The following MXI1 variants were observed in gnomAD, a reference collection of about 807,000 sequenced individuals.
MXI1 encodes MAX interactor 1, dimerization protein.
Under a neutral mutation model 36.9 loss-of-function variants are expected in MXI1, and 18 were observed. The observed-to-expected ratio is 0.49, with a 90% CI of 0.34 to 0.72. The LOEUF is 0.72. Ranked by LOEUF, MXI1 falls within the 30% of genes least tolerant of loss-of-function variation. MXI1 has a pLI of 0.01. For missense variants in MXI1, 304 were observed against 379.1 expected, an observed-to-expected ratio of 0.80 and a Z score of 1.64; for synonymous variants, 160 against 146.7, an observed-to-expected ratio of 1.09 and a Z score of -0.65.
At chr10:110,274,386 T>G (rs1479958693) in intron 3 of MXI1, among the ~76,000 whole-genome samples, 1 of 152,186 alleles carries the variant, frequency 6.6e-6, no homozygotes, top group African/African-American at 2.4e-5. Context: ...AAAATAAAAG[T>G]ACTTTGGGAA....
At chr10:110,262,644 T>A (rs765469654) in intron 3 of MXI1, among the ~76,000 whole-genome samples, 17 of 152,200 alleles carry the variant, frequency 1.1e-4, no homozygotes, top group Non-Finnish European at 2.4e-4. Flanking sequence ...GTAAGATTTT[T>A]AAAAAGGCAA....
chr10:110,236,038 C>G (rs138102142), intron 2 of MXI1, among the ~76,000 whole-genome samples: 1 of 146,744 alleles, frequency 6.8e-6, no homozygotes, highest in East Asian at 2.0e-4. Flanking sequence ...TTTCTTCTAG[C>G]AGTTTATAAT....
At chr10:110,263,709 T>A (rs1034802307) in intron 3 of MXI1, among the ~76,000 whole-genome samples, 1 of 152,234 alleles carries the variant, frequency 6.6e-6, no homozygotes, top group Non-Finnish European at 1.5e-5. Context: ...TTCAGCTTGC[T>A]TTTCGAGATA....
In MXI1 at chr10:110,284,687, C is replaced by T. The variant is rs143661993; in HGVS notation, c.725-137C>T. 1,277 of 817,458 alleles carry T rather than the reference C, an allele frequency of 1.6e-3. 15 individuals carry two copies. The African/African-American group carries it at 0.02, about 13-fold the overall frequency. The allele number at this position is 817,458 out of a possible 1,614,324, so 50.6% of individuals were successfully genotyped here. ...AATATTCCTGTCTCTTCACCTTGTT[C>T]CTCTGTTCTCCAGACATCACTGATA... On this transcript the variant is annotated intron_variant, in intron 5 of 5. Coordinates refer to ENST00000332674, the MANE Select transcript of MXI1 (RefSeq NM_130439.3).
chr10:110,267,324 G>A (rs1022987233), intron 3 of MXI1, among the ~76,000 whole-genome samples: 9 of 152,200 alleles, frequency 5.9e-5, no homozygotes, highest in African/African-American at 1.9e-4. Context: ...GTAAGGAGAT[G>A]TTAGGGGTAT....
At chr10:110,223,011 A>G (rs372501027) in intron 1 of MXI1, among the ~76,000 whole-genome samples, 219 of 152,262 alleles carry the variant, frequency 1.4e-3, no homozygotes, top group African/African-American at 5.1e-3. Flanking sequence ...CACCATGATC[A>G]TCATCTCTCC....
At chr10:110,255,736 C>T (rs989531487) in intron 3 of MXI1, among the ~76,000 whole-genome samples, 2 of 151,984 alleles carry the variant, frequency 1.3e-5, no homozygotes, top group East Asian at 1.9e-4. Flanking sequence ...TTAAGATGGC[C>T]GTACTTTCCA....
intron 5 of MXI1, among the ~76,000 whole-genome samples, chr10:110,283,585 A>C (rs1236956125): frequency 6.6e-6 from 1 of 150,796 alleles, no homozygotes; most frequent in South Asian, 2.1e-4. Context: ...AGTTGTGATT[A>C]GTGTGAACCC....
intron 4 of MXI1, among the ~76,000 whole-genome samples, chr10:110,279,536 C>G (rs1857158425): frequency 6.6e-6 from 1 of 151,524 alleles, no homozygotes; most frequent in Non-Finnish European, 1.5e-5. Flanking sequence ...AACAATTACC[C>G]TCTTCATACT....
At chr10:110,211,604 T>G (rs1854518116) in intron 1 of MXI1, among the ~76,000 whole-genome samples, 1 of 152,248 alleles carries the variant, frequency 6.6e-6, no homozygotes, top group South Asian at 2.1e-4. Flanking sequence ...TAGCCAGAAC[T>G]GCTTTTCGTT....
At chr10:110,264,451 C>T (rs1381440608) in intron 3 of MXI1, among the ~76,000 whole-genome samples, 9 of 151,238 alleles carry the variant, frequency 6.0e-5, no homozygotes, top group African/African-American at 1.5e-4. Context: ...CTGCAACTTC[C>T]GCCTCCCGGG....
intron 3 of MXI1, among the ~76,000 whole-genome samples, chr10:110,256,845 T>TGTC (rs1249720855): frequency 6.6e-6 from 1 of 152,144 alleles, no homozygotes; most frequent in African/African-American, 2.4e-5. Context: ...AAACTGATAA[T>TGTC]GTCATCATCA....
chr10:110,212,877 C>A (rs1156269358), intron 1 of MXI1, among the ~76,000 whole-genome samples: 1 of 152,164 alleles, frequency 6.6e-6, no homozygotes, highest in Non-Finnish European at 1.5e-5. Flanking sequence ...GTTAGCTTTA[C>A]CTTTACAAGG....
At position 110,236,124 on chromosome 10, in the gene MXI1, CTTTTTTTTTTTTTTTTTTTT is replaced by C. The variant is rs60576710; in HGVS notation, c.407+7823_407+7842del. On this transcript the variant is annotated intron_variant, in intron 2 of 5. Transcript: ENST00000332674. ...AGGGTGTGAAGTAAAGGTTGAAGTTCTTTTTTTTTTTTTTTTTTTTTTTTTTTTTTTTTTTTTTTGCAAAT... is the reference window on the plus strand; with the variant it reads ...AGGGTGTGAAGTAAAGGTTGAAGTTCTTTTTTTTTTTTTTTTTTTGCAAAT... Among the ~76,000 whole-genome samples the C allele has an allele frequency of 9.2e-4, 31 of 33,574 alleles. No individual in the cohort carries two copies. In the South Asian group the frequency reaches 9.9e-3, roughly 11 times the overall value. The allele number at this position is 33,574 out of a possible 152,430, so 22.0% of individuals were successfully genotyped here. A position where few individuals can be genotyped will look rare whatever the true frequency, so the allele number is the denominator to read the frequency against.
chr10:110,282,935 C>G (rs1337854766), intron 5 of MXI1, among the ~76,000 whole-genome samples: 1 of 152,138 alleles, frequency 6.6e-6, no homozygotes, highest in Non-Finnish European at 1.5e-5. Flanking sequence ...GCCTTGGCTT[C>G]CCAAAGTGCT....
chr10:110,254,890 G>A (rs749049484), intron 3 of MXI1, among the ~76,000 whole-genome samples: 2 of 152,194 alleles, frequency 1.3e-5, no homozygotes, highest in Non-Finnish European at 2.9e-5. Context: ...AAAGTACAAA[G>A]TGAAGCAGCA....
intron 3 of MXI1, among the ~76,000 whole-genome samples, chr10:110,248,342 T>C (rs1451904258): frequency 6.8e-6 from 1 of 147,852 alleles, no homozygotes; most frequent in Non-Finnish European, 1.5e-5. Context: ...ACTTAAAGTA[T>C]AAAAAAAAAA....
rs930245864 is a variant in MXI1, at chr10:110,226,022, G to C, written c.275-2167G>C. The C allele has an allele frequency of 1.3e-4, 127 of 981,386 alleles. No homozygotes were observed. The African/African-American group carries it at 1.5e-3, about 12-fold the overall frequency. The allele number at this position is 981,386 out of a possible 1,614,324, so 60.8% of individuals were successfully genotyped here. ...AACAAACCACGCGCGGGCTGCCCGC[G>C]GCACGGCGGGCGCGGCTGGCGCGGC... On this transcript the variant is annotated intron_variant, in intron 1 of 5. Coordinates refer to ENST00000332674, the MANE Select transcript of MXI1 (RefSeq NM_130439.3).
intron 3 of MXI1, among the ~76,000 whole-genome samples, chr10:110,271,629 G>C (rs1443845884): frequency 6.6e-6 from 1 of 152,182 alleles, no homozygotes; most frequent in African/African-American, 2.4e-5. Flanking sequence ...AGCACATTTG[G>C]TTATGGAAGA....
Sources: allele counts gnomAD v4.1 joint callset (sites outside exome capture counted in the v4.1 genomes callset), GRCh38; gene constraint gnomAD v4.1.1; transcripts MANE v1.5; gene names NCBI Gene and HGNC (gene_info 2026-07-23, HGNC 2026-07-21).